The following CNDP1 variants were observed in gnomAD, a reference collection of about 807,000 sequenced individuals.
The protein encoded by CNDP1 is carnosine dipeptidase 1.
CNDP1 carries 44 observed loss-of-function variants against 58.1 expected under a neutral mutation model. The observed-to-expected ratio is 0.76, with a 90% confidence interval of 0.60 to 0.97. The LOEUF is 0.97. Ranked by LOEUF, CNDP1 falls within the 50% of genes least tolerant of loss-of-function variation. CNDP1 has a pLI of 0.00. For synonymous variants in CNDP1, 254 were observed against 252.6 expected (o/e 1.01, Z -0.05); for missense variants, 616 against 655.1 (o/e 0.94, Z 0.65).
Position 74,567,793 on chromosome 18 carries a change from T to A in CNDP1, c.756+360T>A, listed in dbSNP as rs181263275. ...GATCAATGCAGGGGCAACTGTGCTG[T>A]GTCCTGCTCCCAGCGTGGGCCTGCT... On this transcript the variant is annotated intron_variant, in intron 6 of 11. Transcript: ENST00000358821. 5.3e-5 allele frequency among the ~76,000 whole-genome samples: 8 copies of A among 152,344 alleles called. No individual in the cohort carries two copies. The East Asian group carries it at 1.2e-3, about 22-fold the overall frequency.
Position 74,534,680 on chromosome 18 carries a change from C to G in CNDP1, c.13C>G (p.Leu5Val), listed in dbSNP as rs770429785. The G allele has an allele frequency of 9.3e-6, 15 of 1,614,172 alleles. 1 individual carries two copies. Among genetic ancestry groups the G allele is most frequent in the South Asian group, 3.3e-5 (3 of 91,082 alleles). The change falls in exon 1 of 12, where the codon CTC becomes GTC. Residue 5 changes from leucine to valine, a missense_variant. Leu to Val is a conservative substitution (Grantham distance 32). Transcript: ENST00000358821. ...GAACTCCAGCCTAATGGATCCCAAACTCGGGAGAATGGTGAGTAGGACCTC... is the reference window on the plus strand; with the variant it reads ...GAACTCCAGCCTAATGGATCCCAAAGTCGGGAGAATGGTGAGTAGGACCTC... MDPK[L>V]GRMAASLLAV...
At chr18:74,556,593 C>A in intron 2 of CNDP1, 127 bp downstream of exon 2, 2 of 1,041,892 alleles carry the variant, frequency 1.9e-6, no homozygotes, top group African/African-American at 1.6e-5. Flanking sequence ...ATGCCTATGA[C>A]TGCTCATTGG....
At chr18:74,571,047 C>T (rs1034156409) in intron 6 of CNDP1, 139 bp from the exon 7 acceptor site, 57 of 592,744 alleles carry the variant, frequency 9.6e-5, no homozygotes, top group East Asian at 9.6e-4. Context: ...CTGAGAAACA[C>T]AGAAAGTGAA....
chr18:74,545,763 C>CT lies in CNDP1; in HGVS notation c.25-10571dup, dbSNP rs1980743685. ...GTATTCTGTAAATATCCTATCGACA[C>CT]TTTTACACAAAAATCACTCAAATGA... On this transcript the variant is annotated intron_variant, in intron 1 of 11. Coordinates refer to ENST00000358821, the MANE Select transcript of CNDP1 (RefSeq NM_032649.6). This position sits in a 1 kb window ranked among gnomAD's most constrained non-coding sequence, Gnocchi z 4.1. Among the ~76,000 whole-genome samples the CT allele has an allele frequency of 6.6e-6, 1 of 152,154 alleles. No homozygotes were observed. The highest frequency in any genetic ancestry group is 2.1e-4 in the South Asian group (1 of 4,830).
intron 7 of CNDP1, among the ~76,000 whole-genome samples, chr18:74,575,664 T>C (rs1981613021): frequency 6.6e-6 from 1 of 152,102 alleles, no homozygotes; most frequent in South Asian, 2.1e-4. Context: ...TGGTATCTCA[T>C]AGAGTAGACC....
At chr18:74,541,754 G>T (rs760152150) in intron 1 of CNDP1, among the ~76,000 whole-genome samples, 62 of 152,238 alleles carry the variant, frequency 4.1e-4, no homozygotes, top group Non-Finnish European at 7.1e-4. Context: ...CCTCTCCTCA[G>T]GCCCCACAAT....
intron 6 of CNDP1, among the ~76,000 whole-genome samples, chr18:74,570,217 AT>A (rs71168500): frequency 0.41 from 39,136 of 95,328 alleles, 6,536 homozygotes; most frequent in East Asian, 0.48. Context: ...AATAATAATA[AT>A]TAATAATAAT....
intron 3 of CNDP1, among the ~76,000 whole-genome samples, 165 bp from the exon 4 acceptor site, chr18:74,560,691 A>G (rs934874613): frequency 3.9e-5 from 6 of 152,068 alleles, no homozygotes; most frequent in Non-Finnish European, 7.4e-5. Context: ...CTCCAAAAGA[A>G]AAGAAAAAAG....
At position 74,583,631 on chromosome 18, in the gene CNDP1, C is replaced by T. The variant is rs774635198; in HGVS notation, c.1380C>T (p.Ile460=). Residue 460 remains isoleucine (I), a synonymous_variant, in exon 11 of 12, where the codon ATC becomes ATT. Transcript: ENST00000358821. ...TIPIAKMFQE[I]VHKSVVLIPL... is the part of the protein sequence containing the mutation. ...CAATTGCCAAAATGTTCCAGGAGAT[C>T]GTCCACAAGAGCGTGGTGCTAATTC... The T allele has an allele frequency of 8.1e-6, 13 of 1,614,036 alleles. No individual in the cohort carries two copies. Among genetic ancestry groups the T allele is most frequent in the South Asian group, 5.5e-5 (5 of 91,088 alleles).
In CNDP1 at chr18:74,545,650, C is replaced by T. The variant is rs1194605468; in HGVS notation, c.25-10688C>T. 6.6e-6 allele frequency among the ~76,000 whole-genome samples: 1 copy of T among 152,110 alleles called. No homozygotes were observed. Among genetic ancestry groups the T allele is most frequent in the Non-Finnish European group, 1.5e-5 (1 of 68,008 alleles). On this transcript the variant is annotated intron_variant, in intron 1 of 11. Transcript: ENST00000358821. This position sits in a 1 kb window ranked among gnomAD's most constrained non-coding sequence, Gnocchi z 4.1. ...GTCTCTCTCAACTCCCCACTCCCTCCGACCCTCCTCCTCCTCTCTGCTGTT... is the reference window on the plus strand; with the variant it reads ...GTCTCTCTCAACTCCCCACTCCCTCTGACCCTCCTCCTCCTCTCTGCTGTT...
At position 74,585,523 on chromosome 18, in the gene CNDP1, C is replaced by A. The variant is rs1981887862; in HGVS notation, c.*961C>A. 6.6e-6 allele frequency: 1 copy of A among 151,644 alleles called. No individual in the cohort carries two copies. Among genetic ancestry groups the A allele is most frequent in the Non-Finnish European group, 1.5e-5 (1 of 67,952 alleles). The allele number at this position is 151,644 out of a possible 1,614,324, so 9.4% of individuals were successfully genotyped here. On this transcript the variant is annotated 3_prime_UTR_variant, in exon 12 of 12. Transcript: ENST00000358821. ...TGCATTCATTAATCATTTTAGTTAA[C>A]CATCATGTTTGGCTTGATTGGATTT... is the stretch of plus-strand genomic sequence containing the variant.
In CNDP1 at chr18:74,567,523, G is replaced by A. The variant is rs574921323; in HGVS notation, c.756+90G>A. On this transcript the variant is annotated intron_variant, in intron 6 of 11. Transcript: ENST00000358821. ...TTCTGGGATCTTGGAGAGGAAGAAA[G>A]AAAGCTTTCCTGAGGGCAGAGGCCT... The A allele has an allele frequency of 3.0e-5, 36 of 1,207,818 alleles. 1 individual carries two copies. In the African/African-American group the frequency reaches 4.9e-4, roughly 17 times the overall value. 74.8% of individuals were successfully genotyped at this position (1,207,818 alleles called of 1,614,324 possible).
chr18:74,581,907 T>C (rs1238860130), intron 10 of CNDP1, among the ~76,000 whole-genome samples: 2 of 152,224 alleles, frequency 1.3e-5, no homozygotes, highest in African/African-American at 4.8e-5. Flanking sequence ...TGAGGCCACA[T>C]TGGCTAATGG....
intron 5 of CNDP1, among the ~76,000 whole-genome samples, chr18:74,563,409 G>T (rs1981252061): frequency 6.6e-6 from 1 of 151,990 alleles, no homozygotes; most frequent in African/African-American, 2.4e-5. Flanking sequence ...CCTTCTAAGG[G>T]ATAGCAATAT....
chr18:74,546,730 T>A (rs1346877367), intron 1 of CNDP1, among the ~76,000 whole-genome samples: 1 of 152,208 alleles, frequency 6.6e-6, no homozygotes, highest in East Asian at 1.9e-4. Context: ...ATCCCCTGGC[T>A]TCGGCAGTCT....
chr18:74,583,028 A>G (rs893988785), intron 10 of CNDP1, among the ~76,000 whole-genome samples: 5 of 152,196 alleles, frequency 3.3e-5, no homozygotes, highest in African/African-American at 1.2e-4. Flanking sequence ...TTATTTAGAG[A>G]CAGAGTCTCG....
Position 74,558,396 on chromosome 18 carries a change from T to TC in CNDP1, c.154-927_154-926insC, listed in dbSNP as rs200298610. Among the ~76,000 whole-genome samples, 1,190 of 139,668 alleles carry TC rather than the reference T, an allele frequency of 8.5e-3. 17 individuals are homozygous for TC. Among genetic ancestry groups the TC allele is most frequent in the African/African-American group, 0.023 (857 of 37,262 alleles). 91.6% of individuals were successfully genotyped at this position (139,668 alleles called of 152,430 possible). ...AGGGAGCATTACTTTCTTTTTCTTT[T>TC]TTTTTTTTTTTTTTTTGAGATGGAG... On this transcript the variant is annotated intron_variant, in intron 2 of 11. Coordinates refer to ENST00000358821, the MANE Select transcript of CNDP1 (RefSeq NM_032649.6).
chr18:74,542,190 G>A (rs1444169793), intron 1 of CNDP1, among the ~76,000 whole-genome samples: 1 of 152,192 alleles, frequency 6.6e-6, no homozygotes, highest in Non-Finnish European at 1.5e-5. Context: ...ACTGCCCTGG[G>A]GCCATCCCAG....
At chr18:74,577,254 C>A (rs1981658543) in intron 8 of CNDP1, 2 of 368,022 alleles carry the variant, frequency 5.4e-6, no homozygotes, top group East Asian at 8.5e-5. Context: ...GGCACTTAAC[C>A]ACAAGCAGTT....
Sources: allele counts gnomAD v4.1 joint callset (sites outside exome capture counted in the v4.1 genomes callset), GRCh38; gene constraint gnomAD v4.1.1; non-coding constraint Gnocchi (gnomAD v3.1); transcripts MANE v1.5; gene names NCBI Gene and HGNC (gene_info 2026-07-23, HGNC 2026-07-21).